The following TENM1 variants were observed in gnomAD, a reference collection of about 807,000 sequenced individuals.
TENM1 encodes teneurin transmembrane protein 1, also known as teneurin-1.
TENM1 carries 35 observed loss-of-function variants against 174.8 expected under a neutral mutation model. That is an observed-to-expected ratio of 0.20 (90% CI 0.15 to 0.27). The LOEUF (loss-of-function observed/expected upper bound fraction) is 0.27. Among genes scored for constraint, TENM1 ranks in the 10% least tolerant of loss-of-function variants. TENM1 has a pLI of 1.00. For synonymous variants in TENM1, 781 were observed against 798.7 expected, an observed-to-expected ratio of 0.98 and a Z score of 0.37; for missense variants, 1,633 against 2,130.1, an observed-to-expected ratio of 0.77 and a Z score of 4.59.
chrX:125,059,520 C>A, the TENM1 span, among the ~76,000 whole-genome samples: 2 of 110,496 alleles, frequency 1.8e-5, no homozygotes, highest in African/African-American at 3.3e-5. Flanking sequence ...CAGCTATAGT[C>A]CTCATGTTGT....
chrX:125,091,957 C>G, the TENM1 span, among the ~76,000 whole-genome samples: 3 of 95,163 alleles, frequency 3.2e-5, no homozygotes, highest in Admixed American at 3.6e-4. Flanking sequence ...TGCACTCCAG[C>G]CTGGGCAACG....
chrX:124,654,949 G>A (rs2051403345), intron 6 of TENM1, among the ~76,000 whole-genome samples: 1 of 111,896 alleles, frequency 8.9e-6, no homozygotes, highest in African/African-American at 3.2e-5. Context: ...TCATGTGAAT[G>A]GAAAGAAGGA....
At chrX:124,977,923 C>A in the TENM1 span, among the ~76,000 whole-genome samples, 2 of 97,518 alleles carry the variant, frequency 2.1e-5, no homozygotes, top group Non-Finnish European at 4.1e-5. Flanking sequence ...TCCCACACAT[C>A]TTTGAGGCTC....
chrX:125,088,862 G>A, the TENM1 span, among the ~76,000 whole-genome samples: 4 of 110,953 alleles, frequency 3.6e-5, no homozygotes, highest in Admixed American at 2.9e-4. Flanking sequence ...TTGAAAAGTC[G>A]ATGTCATAAC....
At chrX:124,643,307 G>C (rs2051065791) in intron 10 of TENM1, among the ~76,000 whole-genome samples, 1 of 111,264 alleles carries the variant, frequency 9.0e-6, no homozygotes, top group Non-Finnish European at 1.9e-5. Context: ...ATTTAATTTA[G>C]AAGCACAAAA....
intron 3 of TENM1, among the ~76,000 whole-genome samples, chrX:124,802,559 T>C (rs1050892263): frequency 9.0e-6 from 1 of 110,975 alleles, no homozygotes; most frequent in Non-Finnish European, 1.9e-5. Context: ...CCTTGCCCCA[T>C]ATGGCTCCCA....
intron 3 of TENM1, among the ~76,000 whole-genome samples, chrX:124,792,535 C>A (rs1350993592): frequency 5.4e-5 from 6 of 111,818 alleles, no homozygotes; most frequent in Non-Finnish European, 7.5e-5. Flanking sequence ...TATGCCATTT[C>A]TCACCCAGAA....
chrX:125,097,936 A>C, the TENM1 span, among the ~76,000 whole-genome samples: 3 of 110,662 alleles, frequency 2.7e-5, no homozygotes, highest in African/African-American at 9.8e-5. Context: ...TGGTATGTTA[A>C]AATTTTAACT....
At chrX:124,611,970 T>C (rs980596478) in intron 11 of TENM1, among the ~76,000 whole-genome samples, 4 of 112,200 alleles carry the variant, frequency 3.6e-5, no homozygotes, top group Admixed American at 9.5e-5. Context: ...AATATGCCTG[T>C]ACATTTTCAG....
the TENM1 span, among the ~76,000 whole-genome samples, chrX:124,993,576 G>A: frequency 9.1e-6 from 1 of 110,296 alleles, no homozygotes; most frequent in Non-Finnish European, 1.9e-5. Context: ...ATTGAGGAGT[G>A]CTATAGGCAA....
chrX:125,055,511 C>A, the TENM1 span, among the ~76,000 whole-genome samples: 2 of 111,666 alleles, frequency 1.8e-5, no homozygotes, highest in Admixed American at 1.9e-4. Context: ...TACTTTATTT[C>A]TATTTTCCCA....
chrX:125,150,787 C>CTGGT, the TENM1 span, among the ~76,000 whole-genome samples: 1 of 112,542 alleles, frequency 8.9e-6, no homozygotes, highest in African/African-American at 3.2e-5. Flanking sequence ...CACAAGGCAT[C>CTGGT]ACAATAGATT....
intron 6 of TENM1, among the ~76,000 whole-genome samples, chrX:124,663,768 T>A (rs2051671671): frequency 9.2e-6 from 1 of 108,199 alleles, no homozygotes; most frequent in South Asian, 4.0e-4. Context: ...TTTTTTTTTT[T>A]AAGTAAAATG....
rs1004624086 is a variant in TENM1, at chrX:124,571,449, C to T, written c.2078-5889G>A. ...AATCAAGGATTTAGAAAAAGGACTA[C>T]ATATAAGTAGATGAAGGACACAACA... is the stretch of plus-strand genomic sequence containing the variant. On this transcript the variant is annotated intron_variant, in intron 11 of 31. Coordinates refer to ENST00000422452, the Ensembl canonical transcript of TENM1. Among the ~76,000 whole-genome samples the T allele has an allele frequency of 3.6e-5, 4 of 110,923 alleles. No individual in the cohort carries two copies. In the South Asian group the frequency reaches 1.5e-3, roughly 42 times the overall value.
At chrX:124,550,884 G>A (rs1190254666) in intron 14 of TENM1, among the ~76,000 whole-genome samples, 3 of 110,062 alleles carry the variant, frequency 2.7e-5, no homozygotes, top group Admixed American at 9.7e-5. Context: ...TCAGCCTCCC[G>A]AGTACCTGGG....
At chrX:124,559,512 A>G (rs1175107458) in intron 14 of TENM1, among the ~76,000 whole-genome samples, 1 of 110,150 alleles carries the variant, frequency 9.1e-6, no homozygotes, top group African/African-American at 3.3e-5. Flanking sequence ...TATTAAAATT[A>G]TAGAAATTAG....
the TENM1 span, among the ~76,000 whole-genome samples, chrX:125,190,791 A>G: frequency 9.0e-6 from 1 of 111,385 alleles, no homozygotes; most frequent in East Asian, 2.8e-4. Flanking sequence ...GTCTAATTAC[A>G]GAAAATTTGG....
intron 3 of TENM1, among the ~76,000 whole-genome samples, chrX:124,817,045 C>T (rs1054186332): frequency 1.8e-5 from 2 of 110,419 alleles, no homozygotes; most frequent in Non-Finnish European, 3.8e-5. Context: ...CCTAGCCTCC[C>T]AACCCCCAAC....
chrX:125,066,010 G>C, the TENM1 span, among the ~76,000 whole-genome samples: 1 of 112,413 alleles, frequency 8.9e-6, no homozygotes, highest in Non-Finnish European at 1.9e-5. Flanking sequence ...GTTCAGAAGA[G>C]AGTGACCAAG....
Sources: allele counts gnomAD v4.1 joint callset (sites outside exome capture counted in the v4.1 genomes callset), GRCh38; gene constraint gnomAD v4.1.1; transcripts MANE v1.5; gene names NCBI Gene and HGNC (gene_info 2026-07-23, HGNC 2026-07-21).